ABCC6: variants seen among roughly 807,000 people sequenced by gnomAD.
ABCC6 encodes the protein ATP-binding cassette sub-family C member 6.
ABCC6 carries 126 observed loss-of-function variants against 169.5 expected under a neutral mutation model. The ratio of observed to expected loss-of-function variants is 0.74; its 90% CI spans 0.64 to 0.86. The LOEUF is 0.86. ABCC6 is among the 40% of genes least tolerant of loss of function. The pLI is 0.00. For synonymous variants in ABCC6, 752 were observed against 814.7 expected (o/e 0.92, Z 1.31); for missense variants, 1,733 against 1,927.2 (o/e 0.90, Z 1.89).
At chr16:16,203,661 G>A (rs780922799) in intron 7 of ABCC6, 48 bp from the exon 8 acceptor site, 1 of 1,607,684 alleles carries the variant, frequency 6.2e-7, no homozygotes, top group South Asian at 1.1e-5. Context: ...TATACTCTCA[G>A]CCGCCAGCGG....
intron 7 of ABCC6, among the ~76,000 whole-genome samples, chr16:16,206,514 C>A (rs1409691607): frequency 4.6e-5 from 7 of 151,822 alleles, no homozygotes; most frequent in Middle Eastern, 3.2e-3. Flanking sequence ...CAGCAGGTGG[C>A]TGTTGTGTGG....
intron 6 of ABCC6, among the ~76,000 whole-genome samples, chr16:16,209,445 A>G (rs947260668): frequency 6.6e-6 from 1 of 152,152 alleles, no homozygotes; most frequent in African/African-American, 2.4e-5. Flanking sequence ...TCTATTTTAC[A>G]GATGGGGAAG....
rs1435573241 is a variant in ABCC6, at chr16:16,169,880, G to A, written c.2788-27C>T. On this transcript the variant is annotated intron_variant, in intron 21 of 30. Transcript: ENST00000205557. ...TGTAGCACACATGAGGGAGAGGGAG[G>A]CAGAGAGAGCCCCCAGTGGGAGGGG... 2.6e-6 allele frequency: 4 copies of A among 1,536,520 alleles called. No individual in the cohort carries two copies. In the East Asian group the frequency reaches 7.3e-5, roughly 28 times the overall value.
chr16:16,209,432 A>G lies in ABCC6; in HGVS notation c.663-573T>C, dbSNP rs894388900. On this transcript the variant is annotated intron_variant, in intron 6 of 30. Coordinates refer to ENST00000205557, the MANE Select transcript of ABCC6 (RefSeq NM_001171.6). ...TATAAATGTATGAGTATATTATTATAGATCTATTTTACAGATGGGGAAGGA... is the reference window on the plus strand; with the variant it reads ...TATAAATGTATGAGTATATTATTATGGATCTATTTTACAGATGGGGAAGGA... Among the ~76,000 whole-genome samples, 47 of 152,126 alleles carry G rather than the reference A, an allele frequency of 3.1e-4. 1 individual carries two copies.
intron 8 of ABCC6, among the ~76,000 whole-genome samples, chr16:16,202,655 G>A (rs1211143333): frequency 6.6e-6 from 1 of 151,996 alleles, no homozygotes; most frequent in African/African-American, 2.4e-5. Context: ...GGGACACAGG[G>A]AGGAGGTGGC....
intron 14 of ABCC6, among the ~76,000 whole-genome samples, chr16:16,186,140 C>T (rs2047647915): frequency 6.6e-6 from 1 of 152,092 alleles, no homozygotes; most frequent in Admixed American, 6.6e-5. Context: ...CACAGTTTGC[C>T]CAGGTTCTTC....
rs1164406471 is a variant in ABCC6, at chr16:16,210,731, T to C, written c.662+1454A>G. ...CAGGGGCTGGACCCCCCAGTAGAGC[T>C]GTTTCGAAAACCTCTAAGCTCTTTC... On this transcript the variant is annotated intron_variant, in intron 6 of 30. Coordinates refer to ENST00000205557, the MANE Select transcript of ABCC6 (RefSeq NM_001171.6). Among the ~76,000 whole-genome samples the C allele has an allele frequency of 2.6e-5, 4 of 152,244 alleles. No individual in the cohort carries two copies. In the East Asian group the frequency reaches 5.8e-4, roughly 22 times the overall value.
chr16:16,184,958 C>G lies in ABCC6; in HGVS notation c.1943+1G>C, dbSNP rs748132404. On this transcript the variant is annotated splice_donor_variant, in intron 15 of 30. Transcript: ENST00000205557. LOFTEE classifies it high-confidence loss of function. ...TGGTTACTACGGGTGTCGTTCTGTA[C>G]CTGTGGAGGCAGGGAGGGCTTTCCT... 5.0e-6 allele frequency: 8 copies of G among 1,612,468 alleles called. No homozygotes were observed. In the South Asian group the frequency reaches 5.5e-5, roughly 11 times the overall value.
intron 4 of ABCC6, among the ~76,000 whole-genome samples, chr16:16,215,118 C>A (rs2048810848): frequency 6.6e-6 from 1 of 152,184 alleles, no homozygotes; most frequent in South Asian, 2.1e-4. Flanking sequence ...CCCTGCTCCC[C>A]CTTGGCCAGG....
intron 23 of ABCC6, 94 bp from the exon 24 acceptor site, chr16:16,163,286 G>C: frequency 8.2e-7 from 1 of 1,224,522 alleles, no homozygotes; most frequent in Non-Finnish European, 1.2e-6. Flanking sequence ...CAGGATTCCA[G>C]ACCAGGATCT....
chr16:16,174,288 A>G (rs917013541), intron 20 of ABCC6, among the ~76,000 whole-genome samples: 3 of 152,244 alleles, frequency 2.0e-5, no homozygotes, highest in Non-Finnish European at 4.4e-5. Context: ...CCATGTTCCA[A>G]TAAAGCAAAC....
intron 17 of ABCC6, 71 bp downstream of exon 17, chr16:16,182,338 CATG>C (rs1179374698): frequency 1.9e-6 from 3 of 1,556,114 alleles, no homozygotes; most frequent in Non-Finnish European, 2.7e-6. Flanking sequence ...TCATACTGCC[CATG>C]ATGAGTCGGG....
At chr16:16,154,422 G>T (rs2046474172) in intron 29 of ABCC6, among the ~76,000 whole-genome samples, 1 of 152,214 alleles carries the variant, frequency 6.6e-6, no homozygotes, top group African/African-American at 2.4e-5. Context: ...AGTAAATATA[G>T]AAGACTAACT....
intron 12 of ABCC6, among the ~76,000 whole-genome samples, chr16:16,189,845 G>T (rs567986467): frequency 1.3e-5 from 2 of 152,242 alleles, no homozygotes; most frequent in East Asian, 1.9e-4. Context: ...TGCTGGCCAG[G>T]ATCAGGGAAG....
chr16:16,192,844 T>G lies in ABCC6; in HGVS notation c.1417A>C (p.Arg473=), dbSNP rs939836975. 3 of 1,613,918 alleles carry G rather than the reference T, an allele frequency of 1.9e-6. No homozygotes were observed. The Admixed American group carries it at 5.0e-5, about 27-fold the overall frequency. ...LPLNFFISKK[R]NHHQEEQMRQ... ...AAAAGCCAAACCTGATGGTGGTTCC[T>G]TTTCTTGGAGATGAAGAAATTCAGA... is the stretch of plus-strand genomic sequence containing the variant. Residue 473 remains arginine, a synonymous_variant, in exon 11 of 31, where the codon AGG becomes CGG. Coordinates refer to ENST00000205557, the MANE Select transcript of ABCC6 (RefSeq NM_001171.6).
Position 16,202,953 on chromosome 16 carries a change from C to T in ABCC6, c.998+457G>A, listed in dbSNP as rs1324305984. 2.0e-5 allele frequency among the ~76,000 whole-genome samples: 3 copies of T among 152,138 alleles called. No homozygotes were observed. The East Asian group carries it at 5.8e-4, about 29-fold the overall frequency. On this transcript the variant is annotated intron_variant, in intron 8 of 30. Coordinates refer to ENST00000205557, the MANE Select transcript of ABCC6 (RefSeq NM_001171.6). The stretch of plus-strand genomic sequence containing the variant: ...GTCTATTTCTTAGAACCCTCCCAAG[C>T]ACCCACATGAACAAGTCTGAGCTAG...
chr16:16,182,874 GC>G lies in ABCC6; in HGVS notation c.1999del (p.Ala667GlnfsTer21), dbSNP rs72664227. ...CLLAVVGPVG[A>X]GKSSLLSALL... ...GGCGGACAGCAGGGAGGACTTCCCT[GC>G]CCCCACTGGACCGACAACAGCCAGC... is the stretch of plus-strand genomic sequence containing the variant. On this transcript the variant is annotated frameshift_variant, in exon 16 of 31. Transcript: ENST00000205557. LOFTEE classifies it high-confidence loss of function. 20 of 1,613,906 alleles carry G rather than the reference GC, an allele frequency of 1.2e-5. No homozygotes were observed. The highest frequency in any genetic ancestry group is 3.3e-5 in the Admixed American group (2 of 59,990).
chr16:16,178,845 G>T lies in ABCC6; in HGVS notation c.2368C>A (p.His790Asn). 6.2e-7 allele frequency: 1 copy of T among 1,613,840 alleles called. No homozygotes were observed. The highest frequency in any genetic ancestry group is 2.2e-5 in the East Asian group (1 of 44,860). The change falls in exon 18 of 31, where the codon CAT (histidine) becomes AAT (asparagine). Residue 790 changes from histidine (H) to asparagine (N), a missense_variant. His to Asn is a moderately conservative substitution (Grantham distance 68). This residue lies in a region of ABCC6 where 1,601 missense variants were observed against 1,635.5 expected (regional missense o/e 0.98). Transcript: ENST00000205557. ...LAALDAHVGQHVFNQVIGPGG... is the reference protein window; with the variant it reads ...LAALDAHVGQNVFNQVIGPGG... The stretch of plus-strand genomic sequence containing the variant: ...GGCCCAATGACCTGGTTGAAGACAT[G>T]CTGGCCAACGTGGGCATCCAGGGCC...
At position 16,154,936 on chromosome 16, in the gene ABCC6, G is replaced by T. The variant is rs57499803; in HGVS notation, c.3978C>A (p.Asp1326Glu). 6.2e-7 allele frequency: 1 copy of T among 1,600,418 alleles called. No individual in the cohort carries two copies. The highest frequency in any genetic ancestry group is 2.3e-5 in the East Asian group (1 of 44,010). ...QEAAEGGIWI[D>E]GVPIAHVGLH... The stretch of plus-strand genomic sequence containing the variant: ...GCCCCACGTGGGCAATGGGGACCCC[G>T]TCGATCCAGATCCCACCCTCAGCTG... Residue 1326 changes from aspartate (D) to glutamate (E), a missense_variant, in exon 28 of 31, where the codon GAC becomes GAA. By Grantham distance (45) the Asp-to-Glu change is conservative (BLOSUM62 2). This residue lies in a region of ABCC6 where 1,601 missense variants were observed against 1,635.5 expected (regional missense o/e 0.98). Coordinates refer to ENST00000205557, the MANE Select transcript of ABCC6 (RefSeq NM_001171.6).
Sources: allele counts gnomAD v4.1 joint callset (sites outside exome capture counted in the v4.1 genomes callset), GRCh38; gene constraint gnomAD v4.1.1; regional missense constraint gnomAD v4.1.1; transcripts MANE v1.5; gene names NCBI Gene and HGNC (gene_info 2026-07-23, HGNC 2026-07-21).